RARB: variants seen among roughly 807,000 people sequenced by gnomAD.
RARB encodes HBV-activated protein.
A neutral mutation model predicts 51.9 loss-of-function variants in RARB; 17 were observed. That is an observed-to-expected ratio of 0.33 (90% CI 0.22 to 0.49). RARB has a LOEUF of 0.49. Among genes scored for constraint, RARB ranks in the 20% least tolerant of loss-of-function variants. RARB has a pLI of 0.99. For missense variants in RARB, 369 were observed against 550.8 expected (o/e 0.67, Z 3.30); for synonymous variants, 215 against 195.4 (o/e 1.10, Z -0.84).
intron 5 of RARB, among the ~76,000 whole-genome samples, chr3:25,592,975 A>G (rs770356789): frequency 6.6e-6 from 1 of 152,184 alleles, no homozygotes; most frequent in African/African-American, 2.4e-5. Flanking sequence ...TAACTATGTG[A>G]CATTGGGCAC....
intron 3 of RARB, among the ~76,000 whole-genome samples, chr3:25,524,977 C>T (rs945767259): frequency 6.6e-6 from 1 of 152,156 alleles, no homozygotes; most frequent in Non-Finnish European, 1.5e-5. Context: ...GATCCACCCC[C>T]CTCAGCCTCC....
At chr3:24,964,551 T>C (rs1048530144) in intron 2 of RARB, among the ~76,000 whole-genome samples, 6 of 152,152 alleles carry the variant, frequency 3.9e-5, no homozygotes, top group Non-Finnish European at 8.8e-5. Flanking sequence ...ACACCCACGA[T>C]TGAGAATGGC....
chr3:25,157,339 AGTGTGTGTGTTTGT>A (rs1412845554), intron 4 of RARB, among the ~76,000 whole-genome samples: 7 of 105,500 alleles, frequency 6.6e-5, no homozygotes, highest in Non-Finnish European at 9.4e-5. Context: ...CACAGTTCTG[AGTGTGTGTGTTTGT>A]GTGTGTGTGT....
At chr3:24,900,229 C>A (rs1191116831) in intron 2 of RARB, among the ~76,000 whole-genome samples, 1 of 152,112 alleles carries the variant, frequency 6.6e-6, no homozygotes, top group Admixed American at 6.5e-5. Context: ...TGTGTAACTC[C>A]TTCCCTGGCT....
intron 2 of RARB, among the ~76,000 whole-genome samples, chr3:25,464,199 C>G (rs1559416394): frequency 1.3e-5 from 2 of 152,144 alleles, no homozygotes; most frequent in South Asian, 2.1e-4. Context: ...CGTACCTGCT[C>G]TCATCATTAT....
At chr3:25,092,550 C>T (rs1237568052) in intron 3 of RARB, among the ~76,000 whole-genome samples, 1 of 152,050 alleles carries the variant, frequency 6.6e-6, no homozygotes, top group Non-Finnish European at 1.5e-5. Context: ...ACTGTTAACT[C>T]CAGCCCTCTC....
intron 5 of RARB, among the ~76,000 whole-genome samples, chr3:25,186,291 A>G (rs1430703496): frequency 6.6e-6 from 1 of 152,150 alleles, no homozygotes; most frequent in African/African-American, 2.4e-5. Flanking sequence ...TATGGCTACA[A>G]TACCAAGTAT....
In RARB at chr3:24,994,219, C is replaced by T. The variant is rs557531993; in HGVS notation, c.-379-65906C>T. On this transcript the variant is annotated intron_variant, in intron 2 of 11. Transcript: ENST00000383772. ...CATTCTAACTAGGGTGAGATGATAC[C>T]TCATTTTGGTTTTTGTTTTCATTTC... Among the ~76,000 whole-genome samples, 7 of 152,062 alleles carry T rather than the reference C, an allele frequency of 4.6e-5. No individual in the cohort carries two copies. The East Asian group carries it at 1.2e-3, about 25-fold the overall frequency.
At chr3:25,338,770 C>T (rs1575323713) in intron 5 of RARB, among the ~76,000 whole-genome samples, 1 of 152,270 alleles carries the variant, frequency 6.6e-6, no homozygotes. Context: ...TGCACTAATA[C>T]AACTCTAATG....
intron 2 of RARB, among the ~76,000 whole-genome samples, chr3:24,889,229 T>C (rs1323768773): frequency 2.0e-5 from 3 of 152,172 alleles, no homozygotes; most frequent in African/African-American, 7.2e-5. Context: ...TCACAAACCA[T>C]AATTATCACC....
chr3:25,533,693 G>T (rs1699019425), intron 3 of RARB, among the ~76,000 whole-genome samples: 1 of 152,140 alleles, frequency 6.6e-6, no homozygotes, highest in African/African-American at 2.4e-5. Flanking sequence ...CATAGAGGGA[G>T]CAAAAAGAAC....
chr3:25,142,812 G>A (rs1236187003), intron 4 of RARB, among the ~76,000 whole-genome samples: 3 of 128,366 alleles, frequency 2.3e-5, no homozygotes, highest in Admixed American at 2.2e-4. Context: ...TTTACCTCGG[G>A]CTCTGTGGTC....
chr3:25,011,014 T>C (rs1697382946), intron 2 of RARB, among the ~76,000 whole-genome samples: 1 of 152,148 alleles, frequency 6.6e-6, no homozygotes, highest in South Asian at 2.1e-4. Context: ...TCAGTGGCCA[T>C]GTTCACATTT....
chr3:25,147,425 T>A (rs186620325), intron 4 of RARB, among the ~76,000 whole-genome samples: 66 of 152,308 alleles, frequency 4.3e-4, no homozygotes, highest in Admixed American at 9.1e-4. Context: ...CAAGGTTACT[T>A]CTTCTAGAGT....
Position 24,947,468 on chromosome 3 carries a change from G to A in RARB, c.-380+88716G>A, listed in dbSNP as rs149776508. On this transcript the variant is annotated intron_variant, in intron 2 of 11. Transcript: ENST00000383772. ...GTTGTTTCATTTTGAGAAGTAGAAC[G>A]TGTGTAAATCATGAAGTTGGGCTAA... Among the ~76,000 whole-genome samples, 27 of 152,296 alleles carry A rather than the reference G, an allele frequency of 1.8e-4. No homozygotes were observed. The Middle Eastern group carries it at 0.014, about 77-fold the overall frequency.
intron 5 of RARB, among the ~76,000 whole-genome samples, chr3:25,364,744 G>T (rs1321917438): frequency 6.6e-6 from 1 of 152,136 alleles, no homozygotes; most frequent in Non-Finnish European, 1.5e-5. Context: ...CAGTAATTTT[G>T]TCTTTTATTT....
rs147440495 is a variant in RARB, at chr3:24,949,342, T to G, written c.-380+90590T>G. ...GGACCTCCTCTGAGACAGGAAAAAA[T>G]ATAATTACCCTTCCCCCCTGAACAT... On this transcript the variant is annotated intron_variant, in intron 2 of 11. Transcript: ENST00000383772. Among the ~76,000 whole-genome samples the G allele has an allele frequency of 6.8e-4, 103 of 152,288 alleles. No homozygotes were observed. In the East Asian group the frequency reaches 0.019, roughly 28 times the overall value.
At chr3:24,972,698 T>C (rs888909195) in intron 2 of RARB, among the ~76,000 whole-genome samples, 3 of 151,972 alleles carry the variant, frequency 2.0e-5, no homozygotes, top group African/African-American at 7.2e-5. Flanking sequence ...TGGGGTGAGA[T>C]GGATATCTCA....
intron 4 of RARB, among the ~76,000 whole-genome samples, chr3:25,166,952 T>G (rs1438587246): frequency 2.0e-5 from 3 of 152,218 alleles, no homozygotes; most frequent in African/African-American, 7.2e-5. Flanking sequence ...AGAAGACATT[T>G]GACACATCCC....
Sources: allele counts gnomAD v4.1 joint callset (sites outside exome capture counted in the v4.1 genomes callset), GRCh38; gene constraint gnomAD v4.1.1; transcripts MANE v1.5; gene names NCBI Gene and HGNC (gene_info 2026-07-23, HGNC 2026-07-21).